The following PCDHGB2 variants were observed in gnomAD, a reference collection of about 807,000 sequenced individuals.
PCDHGB2 encodes protocadherin gamma-B2.
A neutral mutation model predicts 59.3 loss-of-function variants in PCDHGB2; 55 were observed. That is an observed-to-expected ratio of 0.93 (90% CI 0.75 to 1.16). The LOEUF is 1.16. Ranked by LOEUF, PCDHGB2 falls within the 50% of genes most tolerant of loss-of-function variation. PCDHGB2 has a pLI of 0.00. For missense variants in PCDHGB2, 1,228 were observed against 1,198.5 expected (o/e 1.02, Z -0.36); for synonymous variants, 516 against 512.0 (o/e 1.01, Z -0.11).
intron 1 of PCDHGB2, chr5:141,408,377 C>A: frequency 6.2e-7 from 1 of 1,614,020 alleles, no homozygotes; most frequent in Non-Finnish European, 8.5e-7. Flanking sequence ...GCTCAGTGTC[C>A]TGGATGTGTC....
At chr5:141,433,298 A>G in intron 1 of PCDHGB2, 7 of 1,015,894 alleles carry the variant, frequency 6.9e-6, no homozygotes, top group Non-Finnish European at 1.0e-5. Context: ...GGCTCAAGCA[A>G]TTATCCCACC....
intron 1 of PCDHGB2, chr5:141,372,327 A>G (rs1768669184): frequency 3.7e-6 from 6 of 1,613,586 alleles, no homozygotes; most frequent in Admixed American, 1.7e-5. Flanking sequence ...CCTGCTGGTC[A>G]CTGTGCGTGA....
chr5:141,393,232 T>TA lies in PCDHGB2; in HGVS notation c.2421+30681dup, dbSNP rs774547937. On this transcript the variant is annotated intron_variant, in intron 1 of 3. Coordinates refer to ENST00000522605, the MANE Select transcript of PCDHGB2 (RefSeq NM_018923.3). The stretch of plus-strand genomic sequence containing the variant: ...AAATTCCAGGTCGAAGATCTAGAAG[T>TA]AAAAATTAACGAAATCGCGGTTCCT... The TA allele has an allele frequency of 5.6e-6, 9 of 1,613,542 alleles. No homozygotes were observed. The African/African-American group carries it at 1.2e-4, about 22-fold the overall frequency.
chr5:141,433,098 T>G, intron 1 of PCDHGB2: 1 of 1,614,204 alleles, frequency 6.2e-7, no homozygotes, highest in Non-Finnish European at 8.5e-7. Context: ...GACATGCTCG[T>G]CAGCCAGGAG....
chr5:141,374,437 C>A (rs549456032), intron 1 of PCDHGB2: 1 of 1,613,846 alleles, frequency 6.2e-7, no homozygotes, highest in South Asian at 1.1e-5. Flanking sequence ...ATCTTTATCC[C>A]GTGGAAGTGG....
chr5:141,390,322 C>G, intron 1 of PCDHGB2: 1 of 1,606,310 alleles, frequency 6.2e-7, no homozygotes, highest in South Asian at 1.1e-5. Context: ...CATTGCCTAC[C>G]CATTTCTCCA....
chr5:141,511,049 G>A lies in PCDHGB2; in HGVS notation c.2672G>A (p.Arg891His), dbSNP rs61749029. 408 of 1,614,098 alleles carry A rather than the reference G, an allele frequency of 2.5e-4. No individual in the cohort carries two copies. Among genetic ancestry groups the A allele is most frequent in the South Asian group, 7.2e-4 (66 of 91,094 alleles). Residue 891 changes from arginine (R) to histidine (H), a missense_variant, in exon 4 of 4, where the codon CGC becomes CAC. Around this residue, in one of 3 missense-constraint regions of PCDHGB2, gnomAD observed 433 missense variants for 441.8 expected, o/e 0.98. Transcript: ENST00000522605. ...QFTLQHVPDY[R>H]QNVYIPGSNA... ...ACCCTGCAGCACGTGCCCGACTACC[G>A]CCAGAATGTCTACATCCCAGGCAGC...
At chr5:141,372,294 G>T (rs536487253) in intron 1 of PCDHGB2, 39 of 1,613,162 alleles carry the variant, frequency 2.4e-5, no homozygotes, top group Non-Finnish European at 2.9e-5. Flanking sequence ...TACCTTGGGC[G>T]ACAGGGAGGC....
chr5:141,395,248 T>G lies in PCDHGB2; in HGVS notation c.2421+32692T>G, dbSNP rs1300416039. The G allele has an allele frequency of 4.5e-6, 7 of 1,561,360 alleles. No individual in the cohort carries two copies. In the Admixed American group the frequency reaches 1.4e-4, roughly 31 times the overall value. On this transcript the variant is annotated intron_variant, in intron 1 of 3. Transcript: ENST00000522605. ...GCTGATCATGGTCAGGTGAGTTTAG[T>G]TCTTTGCTTGCTTTTAATTTCCAGA...
chr5:141,415,764 T>G lies in PCDHGB2; in HGVS notation c.2421+53208T>G, dbSNP rs1158166352. The G allele has an allele frequency of 5.0e-6, 7 of 1,391,674 alleles. No homozygotes were observed. The African/African-American group carries it at 7.5e-5, about 15-fold the overall frequency. 86.2% of individuals were successfully genotyped at this position (1,391,674 alleles called of 1,614,324 possible). Reference sequence around the variant, plus strand: ...GGTTTTTTTTTTTTTTTTTTTTTTTTTTTTTTTTACTTTCTGGTAAAATTC... The same window carrying G: ...GGTTTTTTTTTTTTTTTTTTTTTTTGTTTTTTTTACTTTCTGGTAAAATTC... On this transcript the variant is annotated intron_variant, in intron 1 of 3. Coordinates refer to ENST00000522605, the MANE Select transcript of PCDHGB2 (RefSeq NM_018923.3).
chr5:141,418,036 G>T, intron 1 of PCDHGB2: 1 of 1,614,020 alleles, frequency 6.2e-7, no homozygotes, highest in Non-Finnish European at 8.5e-7. Context: ...TTAGTGTCCT[G>T]GATGTGTCGG....
At chr5:141,403,704 T>C (rs1207597755) in intron 1 of PCDHGB2, 2 of 1,613,846 alleles carry the variant, frequency 1.2e-6, no homozygotes, top group East Asian at 4.5e-5. Context: ...CGAGTTAAAG[T>C]CCTTGAGAAC....
chr5:141,501,345 A>G (rs2099808580), intron 2 of PCDHGB2, among the ~76,000 whole-genome samples: 2 of 150,582 alleles, frequency 1.3e-5, no homozygotes, highest in East Asian at 1.9e-4. Context: ...CCCAAACTCA[A>G]TAGGGCAAGA....
rs1374902225 is a variant in PCDHGB2, at chr5:141,360,621, T to G, written c.486T>G (p.Val162=). 1.2e-6 allele frequency: 2 copies of G among 1,613,908 alleles called. No homozygotes were observed. The highest frequency in any genetic ancestry group is 1.7e-6 in the Non-Finnish European group (2 of 1,179,898). ...TTGACCCAGCCCTGGATTCAGATGT[T>G]GGTCCTAACTCACTACAAAGATACC... ...FPLDPALDSD[V]GPNSLQRYHL... is the part of the protein sequence containing the mutation. Residue 162 remains valine (V), a synonymous_variant, in exon 1 of 4, where the codon GTT becomes GTG. Transcript: ENST00000522605.
chr5:141,414,404 T>A, intron 1 of PCDHGB2: 1 of 1,613,886 alleles, frequency 6.2e-7, no homozygotes, highest in Non-Finnish European at 8.5e-7. Context: ...AGATTGGTGA[T>A]ACACAGAGCC....
In PCDHGB2 at chr5:141,478,136, C is replaced by G. The variant is rs529858044; in HGVS notation, c.2422-16671C>G. 1.4e-4 allele frequency: 218 copies of G among 1,614,048 alleles called. 3 individuals are homozygous for G. The South Asian group carries it at 2.2e-3, about 17-fold the overall frequency. ...AGTAACCGAGGACTCTCCTGAAGCC[C>G]GAGCCGAGTTCCCCTCTGGCTCTGC... is the stretch of plus-strand genomic sequence containing the variant. On this transcript the variant is annotated intron_variant, in intron 1 of 3. Coordinates refer to ENST00000522605, the MANE Select transcript of PCDHGB2 (RefSeq NM_018923.3).
At chr5:141,386,590 G>A (rs1589020136) in intron 1 of PCDHGB2, among the ~76,000 whole-genome samples, 1 of 151,604 alleles carries the variant, frequency 6.6e-6, no homozygotes, top group Non-Finnish European at 1.5e-5. Context: ...TAGTGTGGGG[G>A]ATACATTTTT....
At chr5:141,393,143 T>G in intron 1 of PCDHGB2, 1 of 1,613,290 alleles carries the variant, frequency 6.2e-7, no homozygotes, top group Non-Finnish European at 8.5e-7. Context: ...ACACCCTGGT[T>G]GAGGATAAAG....
intron 1 of PCDHGB2, among the ~76,000 whole-genome samples, chr5:141,466,815 A>G (rs1019952491): frequency 1.3e-5 from 2 of 152,182 alleles, no homozygotes; most frequent in Non-Finnish European, 2.9e-5. Flanking sequence ...CAGACATGGT[A>G]TAACAAGTTA....
Sources: gnomAD v4.1 joint callset for allele counts (sites outside exome capture counted in the v4.1 genomes callset) on GRCh38, gnomAD v4.1.1 for gene constraint, gnomAD v4.1.1 regional missense constraint, MANE v1.5 for transcripts, NCBI Gene and HGNC (gene_info 2026-07-23, HGNC 2026-07-21) for gene names.